The following SLC8A1 variants were observed in gnomAD, a reference collection of about 807,000 sequenced individuals.
The protein encoded by SLC8A1 is sodium/calcium exchanger 1.
A neutral mutation model predicts 68.3 loss-of-function variants in SLC8A1; 18 were observed. The ratio of observed to expected loss-of-function variants is 0.26; its 90% confidence interval spans 0.18 to 0.39. The LOEUF is 0.39. Among genes scored for constraint, SLC8A1 ranks in the 10% least tolerant of loss-of-function variants. The probability of loss-of-function intolerance (pLI) is 1.00; values close to 1 mark genes in which losing one functional copy is unlikely to be tolerated. For missense variants in SLC8A1, 985 were observed against 1,156.7 expected (o/e 0.85, Z 2.15); for synonymous variants, 475 against 415.5 (o/e 1.14, Z -1.74).
chr2:40,175,483 T>C (rs1236942922), intron 3 of SLC8A1, among the ~76,000 whole-genome samples: 1 of 150,646 alleles, frequency 6.6e-6, no homozygotes, highest in East Asian at 1.9e-4. Flanking sequence ...TCTGAAAATG[T>C]GTGTGATTGA....
chr2:40,436,473 G>A (rs1002526213), intron 1 of SLC8A1, among the ~76,000 whole-genome samples: 11 of 152,172 alleles, frequency 7.2e-5, no homozygotes, highest in South Asian at 6.2e-4. Flanking sequence ...AAGACTCTTG[G>A]GCTGGAAAGA....
intron 2 of SLC8A1, among the ~76,000 whole-genome samples, chr2:40,319,677 G>A (rs1387263978): frequency 1.3e-5 from 2 of 152,002 alleles, no homozygotes; most frequent in Non-Finnish European, 2.9e-5. Flanking sequence ...ACAGTAACAC[G>A]AAGTCTTCAT....
At chr2:40,385,923 T>G (rs1295055687) in intron 2 of SLC8A1, among the ~76,000 whole-genome samples, 2 of 151,156 alleles carry the variant, frequency 1.3e-5, no homozygotes, top group African/African-American at 2.5e-5. Flanking sequence ...CTACAAAGAT[T>G]TGAGAGGTAG....
intron 2 of SLC8A1, among the ~76,000 whole-genome samples, chr2:40,263,092 A>C (rs62150784): frequency 0.034 from 5,138 of 152,340 alleles, 114 homozygotes; most frequent in Non-Finnish European, 0.054. Context: ...CATTTTGAAA[A>C]ACCTACAGAG....
chr2:40,477,443 C>T (rs985436880), intron 1 of SLC8A1, among the ~76,000 whole-genome samples: 3 of 152,004 alleles, frequency 2.0e-5, no homozygotes, highest in Non-Finnish European at 4.4e-5. Flanking sequence ...ATTTCTTTGT[C>T]CTACACGGTT....
At chr2:40,298,625 C>T (rs1048583930) in intron 2 of SLC8A1, among the ~76,000 whole-genome samples, 6 of 152,070 alleles carry the variant, frequency 3.9e-5, no homozygotes, top group African/African-American at 1.4e-4. Flanking sequence ...ACCATTTAAT[C>T]TATTTTGAAA....
chr2:40,196,988 T>C (rs2053172235), intron 2 of SLC8A1, among the ~76,000 whole-genome samples: 2 of 152,174 alleles, frequency 1.3e-5, no homozygotes, highest in African/African-American at 2.4e-5. Flanking sequence ...GGGGGTGTTC[T>C]TTATGGTAGA....
intron 2 of SLC8A1, among the ~76,000 whole-genome samples, chr2:40,422,384 A>G (rs1267657211): frequency 2.6e-5 from 4 of 152,180 alleles, no homozygotes; most frequent in African/African-American, 9.7e-5. Flanking sequence ...GCAATTTTCC[A>G]CATCTCAGCT....
At chr2:40,228,252 C>G (rs2059233005) in intron 2 of SLC8A1, among the ~76,000 whole-genome samples, 1 of 152,188 alleles carries the variant, frequency 6.6e-6, no homozygotes, top group South Asian at 2.1e-4. Flanking sequence ...CTGCCTGCAG[C>G]AGACATTAGC....
At chr2:40,236,472 T>C (rs887188589) in intron 2 of SLC8A1, among the ~76,000 whole-genome samples, 1 of 152,166 alleles carries the variant, frequency 6.6e-6, no homozygotes, top group Non-Finnish European at 1.5e-5. Flanking sequence ...CCTCCATCCT[T>C]TTATTTTGAG....
intron 6 of SLC8A1, among the ~76,000 whole-genome samples, chr2:40,145,390 A>T (rs187717547): frequency 2.0e-5 from 3 of 152,176 alleles, no homozygotes; most frequent in Admixed American, 6.5e-5. Flanking sequence ...CCTCTAGCTC[A>T]TCACCCTTGA....
At chr2:40,212,985 T>C (rs2056875567) in intron 2 of SLC8A1, 1 of 152,272 alleles carries the variant, frequency 6.6e-6, no homozygotes, top group Non-Finnish European at 1.5e-5. Context: ...AAAGCACCCA[T>C]GTCTGATTTG....
intron 2 of SLC8A1, among the ~76,000 whole-genome samples, chr2:40,424,546 G>C (rs1216331361): frequency 6.6e-6 from 1 of 151,734 alleles, no homozygotes; most frequent in Non-Finnish European, 1.5e-5. Context: ...TATTGGTTAA[G>C]ATGTCTTACA....
At chr2:40,248,966 G>A (rs2062301433) in intron 2 of SLC8A1, among the ~76,000 whole-genome samples, 1 of 152,044 alleles carries the variant, frequency 6.6e-6, no homozygotes, top group South Asian at 2.1e-4. Flanking sequence ...ACATCACCAG[G>A]GGCAGAATAA....
intron 2 of SLC8A1, among the ~76,000 whole-genome samples, chr2:40,394,596 T>C (rs1180425687): frequency 2.0e-5 from 3 of 152,088 alleles, no homozygotes; most frequent in South Asian, 2.1e-4. Context: ...TACATATTTA[T>C]TGATTTTTGA....
intron 1 of SLC8A1, among the ~76,000 whole-genome samples, chr2:40,436,836 A>G (rs1227123379): frequency 1.3e-5 from 2 of 152,164 alleles, no homozygotes; most frequent in African/African-American, 4.8e-5. Flanking sequence ...AAGAATGTAG[A>G]AGGAAGATGC....
intron 2 of SLC8A1, among the ~76,000 whole-genome samples, chr2:40,335,209 C>G (rs1431200467): frequency 6.6e-6 from 1 of 152,186 alleles, no homozygotes; most frequent in African/African-American, 2.4e-5. Flanking sequence ...AACTGGCTTT[C>G]TTTTCTATCA....
chr2:40,282,411 AC>A lies in SLC8A1; in HGVS notation c.1809-104557del, dbSNP rs368061154. On this transcript the variant is annotated intron_variant, in intron 2 of 7. Transcript: ENST00000406785. The stretch of plus-strand genomic sequence containing the variant: ...ACTGTCTCTTCTGTATCTCTGTATT[AC>A]CCAAGACATTGAGCATCCATCTTAC... Among the ~76,000 whole-genome samples the A allele has an allele frequency of 6.6e-5, 10 of 152,268 alleles. No homozygotes were observed. In the East Asian group the frequency reaches 1.5e-3, roughly 24 times the overall value.
At chr2:40,419,271 T>C (rs1292739007) in intron 2 of SLC8A1, among the ~76,000 whole-genome samples, 1 of 152,188 alleles carries the variant, frequency 6.6e-6, no homozygotes, top group African/African-American at 2.4e-5. Context: ...GCACGTACAC[T>C]TGATTTCAAG....
Sources: gnomAD v4.1 joint callset for allele counts (sites outside exome capture counted in the v4.1 genomes callset) on GRCh38, gnomAD v4.1.1 for gene constraint, MANE v1.5 for transcripts, NCBI Gene and HGNC (gene_info 2026-07-23, HGNC 2026-07-21) for gene names.